FAM234A: variants seen among roughly 807,000 people sequenced by gnomAD.
FAM234A encodes family with sequence similarity 234 member A, also known as protein FAM234A.
FAM234A carries 42 observed loss-of-function variants against 49.1 expected under a neutral mutation model. The ratio of observed to expected loss-of-function variants is 0.86; its 90% CI spans 0.67 to 1.11. The LOEUF is 1.11. Among genes scored for constraint, FAM234A ranks in the 50% least tolerant of loss-of-function variants. FAM234A has a pLI of 0.00. For synonymous variants in FAM234A, 369 were observed against 316.2 expected (o/e 1.17, Z -1.77); for missense variants, 815 against 745.2 (o/e 1.09, Z -1.09).
At chr16:268,771 T>C (rs1567232650), downstream of FAM234A, 1 of 1,549,608 alleles carries the variant, frequency 6.5e-7, no homozygotes, top group South Asian at 1.2e-5. Flanking sequence ...TGGGTCCTCT[T>C]CCAGGCTCAC....
chr16:257,605 G>A (rs368165185), intron 3 of FAM234A, among the ~76,000 whole-genome samples: 1 of 149,060 alleles, frequency 6.7e-6, no homozygotes, highest in Non-Finnish European at 1.5e-5. Flanking sequence ...GATTTTTCCC[G>A]TTTTTTTTTT....
At position 264,013 on chromosome 16, in the gene FAM234A, C is replaced by G; in HGVS notation, c.1189-3C>G. 6.2e-7 allele frequency: 1 copy of G among 1,610,432 alleles called. No individual in the cohort carries two copies. Among genetic ancestry groups the G allele is most frequent in the East Asian group, 2.2e-5 (1 of 44,836 alleles). ...GCCCCCACAGTGTCCCCTCCCTCCC[C>G]AGATCCTGTTTCTGGACCTTGGCAC... On this transcript the variant is annotated splice_region_variant and splice_polypyrimidine_tract_variant and intron_variant, in intron 10 of 12. Coordinates refer to ENST00000399932, the MANE Select transcript of FAM234A (RefSeq NM_032039.4).
rs368718996 is a variant in FAM234A at position 251,381 on chromosome 16, T to C, written c.-34+1727T>C. ...CCTCTGCAGTAGGGTTTTTTTTTGT[T>C]TTGTTTTTTTTGAGATGGGGTCTTG... On this transcript the variant is annotated intron_variant, in intron 2 of 12. Coordinates refer to ENST00000399932, the MANE Select transcript of FAM234A (RefSeq NM_032039.4). 7.2e-5 allele frequency among the ~76,000 whole-genome samples: 11 copies of C among 152,240 alleles called. No individual in the cohort carries two copies. The South Asian group carries it at 2.3e-3, about 32-fold the overall frequency.
In FAM234A at chr16:264,925, C is replaced by T; in HGVS notation, c.1562C>T (p.Pro521Leu). 2.5e-6 allele frequency: 4 copies of T among 1,613,058 alleles called. No individual in the cohort carries two copies. The highest frequency in any genetic ancestry group is 3.4e-6 in the Non-Finnish European group (4 of 1,179,870). ...VIKHKVRDLV[P>L]SSRVVRLGEG... ...AAGCACAAGGTGCGGGACCTTGTCC[C>T]AAGCAGCAGGGTGGTCCGCCTGGGT... Residue 521 changes from proline (P) to leucine (L), a missense_variant, in exon 13 of 13, where the codon CCA becomes CTA. Coordinates refer to ENST00000399932, the MANE Select transcript of FAM234A (RefSeq NM_032039.4).
intron 1 of FAM234A, among the ~76,000 whole-genome samples, chr16:245,209 C>T (rs914988265): frequency 4.6e-5 from 7 of 151,924 alleles, no homozygotes; most frequent in Non-Finnish European, 8.8e-5. Flanking sequence ...TTGCCCGGCG[C>T]GGTGATGCAC....
chr16:241,401 G>A (rs1184554008), intron 1 of FAM234A, among the ~76,000 whole-genome samples: 3 of 152,084 alleles, frequency 2.0e-5, no homozygotes, highest in Admixed American at 2.0e-4. Flanking sequence ...GGGCAACATA[G>A]TGAGGCTCTC....
At chr16:247,487 C>T (rs1042934249) in intron 1 of FAM234A, among the ~76,000 whole-genome samples, 5 of 151,712 alleles carry the variant, frequency 3.3e-5, no homozygotes, top group African/African-American at 4.9e-5. Flanking sequence ...GGCTTGAGTG[C>T]GATGGCTCAA....
chr16:239,313 TAAAA>T, intron 1 of FAM234A, among the ~76,000 whole-genome samples: 1 of 125,324 alleles, frequency 8.0e-6, no homozygotes, highest in East Asian at 2.5e-4. Flanking sequence ...AAAATAAAAA[TAAAA>T]ATAAATAAAA....
chr16:234,857 G>C lies in FAM234A; in HGVS notation c.-140G>C, dbSNP rs1357382449. ...GGTCGGGTGAGAGGCCGCGGCGGCAGGTGAGTGAGCGCGGCCTCGTACTCG... is the reference window on the plus strand; with the variant it reads ...GGTCGGGTGAGAGGCCGCGGCGGCACGTGAGTGAGCGCGGCCTCGTACTCG... On this transcript the variant is annotated splice_region_variant and 5_prime_UTR_variant, in exon 1 of 13. Transcript: ENST00000399932. 6.6e-6 allele frequency: 1 copy of C among 152,432 alleles called. No homozygotes were observed. The highest frequency in any genetic ancestry group is 1.5e-5 in the Non-Finnish European group (1 of 68,184). 9.4% of individuals were successfully genotyped at this position (152,432 alleles called of 1,614,324 possible). A position where few individuals can be genotyped will look rare whatever the true frequency, so the allele number is the denominator to read the frequency against.
intron 1 of FAM234A, among the ~76,000 whole-genome samples, chr16:235,566 C>G (rs894967848): frequency 6.6e-6 from 1 of 152,210 alleles, no homozygotes; most frequent in Non-Finnish European, 1.5e-5. Flanking sequence ...TTCACTTACT[C>G]TCTGGTTCTA....
At chr16:251,165 C>CCA (rs1438198461) in intron 2 of FAM234A, among the ~76,000 whole-genome samples, 2 of 152,098 alleles carry the variant, frequency 1.3e-5, no homozygotes, top group African/African-American at 4.8e-5. Context: ...ACCATATTGG[C>CCA]CAGGCTGGTC....
downstream of FAM234A, chr16:269,395 A>C: frequency 6.3e-7 from 1 of 1,596,918 alleles, no homozygotes; most frequent in Non-Finnish European, 8.5e-7. Flanking sequence ...TGTGGGCGAG[A>C]AGGCGGCTGA....
chr16:252,185 G>GA (rs1433357525), intron 2 of FAM234A, among the ~76,000 whole-genome samples: 5 of 119,838 alleles, frequency 4.2e-5, no homozygotes, highest in Admixed American at 2.6e-4. Flanking sequence ...TCTGTTTTTT[G>GA]TTTTTTTTTT....
chr16:263,071 G>T (rs1052821327), intron 8 of FAM234A, among the ~76,000 whole-genome samples, 191 bp from the exon 9 acceptor site: 1 of 152,100 alleles, frequency 6.6e-6, no homozygotes, highest in Non-Finnish European at 1.5e-5. Flanking sequence ...GCCCGCCTCG[G>T]CCTCCCAAAG....
chr16:241,569 A>T (rs1220710528), intron 1 of FAM234A, among the ~76,000 whole-genome samples: 1 of 151,918 alleles, frequency 6.6e-6, no homozygotes, highest in Non-Finnish European at 1.5e-5. Context: ...AGCCTGGGCA[A>T]CAGAGCAAGA....
Position 264,862 on chromosome 16 carries a change from C to T in FAM234A, c.1499C>T (p.Pro500Leu), listed in dbSNP as rs201149518. Residue 500 changes from proline (P) to leucine (L), a missense_variant, in exon 13 of 13, where the codon CCG (proline) becomes CTG (leucine). Coordinates refer to ENST00000399932, the MANE Select transcript of FAM234A (RefSeq NM_032039.4). The stretch of plus-strand genomic sequence containing the variant: ...GCCGCCTACATCCTTCTGACAGGCC[C>T]GGCAGACTCAGAGGCACCCGGCCTG... The part of the protein sequence containing the change: ...RHAAYILLTG[P>L]ADSEAPGLVS... 1.4e-5 allele frequency: 23 copies of T among 1,612,204 alleles called. No homozygotes were observed. The highest frequency in any genetic ancestry group is 5.5e-5 in the South Asian group (5 of 91,074).
downstream of FAM234A, among the ~76,000 whole-genome samples, chr16:267,900 A>C (rs2051743155): frequency 6.9e-6 from 1 of 144,820 alleles, no homozygotes; most frequent in Non-Finnish European, 1.5e-5. Flanking sequence ...CATACCACAC[A>C]TGCATGCCTC....
chr16:259,471 T>G lies in FAM234A; in HGVS notation c.269-12T>G. 6.7e-7 allele frequency: 1 copy of G among 1,497,076 alleles called. No individual in the cohort carries two copies. The allele number at this position is 1,497,076 out of a possible 1,614,324, so 92.7% of individuals were successfully genotyped here. On this transcript the variant is annotated splice_polypyrimidine_tract_variant and intron_variant, in intron 3 of 12. Transcript: ENST00000399932. ...TGGCCCGCGGAGTATAGTCTGTGGTTTTCTCTTTCAGTTATCTATGACTTT... is the reference window on the plus strand; with the variant it reads ...TGGCCCGCGGAGTATAGTCTGTGGTGTTCTCTTTCAGTTATCTATGACTTT...
intron 4 of FAM234A, 36 bp from the exon 5 acceptor site, chr16:259,933 G>C (rs1489687016): frequency 6.3e-7 from 1 of 1,587,328 alleles, no homozygotes; most frequent in African/African-American, 1.3e-5. Flanking sequence ...CTGCCCAGAT[G>C]GTGCAACAGT....
Sources: allele counts gnomAD v4.1 joint callset (sites outside exome capture counted in the v4.1 genomes callset), GRCh38; gene constraint gnomAD v4.1.1; transcripts MANE v1.5; gene names NCBI Gene and HGNC (gene_info 2026-07-23, HGNC 2026-07-21).